AOX1: variants seen among roughly 807,000 people sequenced by gnomAD.
AOX1 encodes aldehyde oxidase 1.
AOX1 carries 153 observed loss-of-function variants against 169.5 expected under a neutral mutation model. The observed-to-expected ratio is 0.90, with a 90% CI of 0.79 to 1.03. The LOEUF is 1.03. Among genes scored for constraint, AOX1 ranks in the 50% least tolerant of loss-of-function variants. The pLI, the probability that AOX1 is intolerant of heterozygous loss-of-function variation, is 0.00. For missense variants in AOX1, 1,656 were observed against 1,663.9 expected (o/e 1.00, Z 0.08); for synonymous variants, 562 against 581.9 (o/e 0.97, Z 0.49).
In AOX1 at chr2:200,613,883, G is replaced by C; in HGVS notation, c.1528G>C (p.Gly510Arg). ...EVSLLGSAPG[G>R]KVEFKRTLII... ...CTCCCTTTTGGGCTCGGCGCCAGGT[G>C]GGAAAGTGGAGTTCAAGAGGACTCT... Residue 510 changes from glycine to arginine, a missense_variant, in exon 15 of 35, where the codon GGG (glycine) becomes CGG (arginine). Coordinates refer to ENST00000374700, the MANE Select transcript of AOX1 (RefSeq NM_001159.4). The C allele has an allele frequency of 6.2e-7, 1 of 1,612,714 alleles. No homozygotes were observed. The highest frequency in any genetic ancestry group is 8.5e-7 in the Non-Finnish European group (1 of 1,179,968).
At chr2:200,594,611 C>T (rs2034241550) in intron 2 of AOX1, among the ~76,000 whole-genome samples, 1 of 152,128 alleles carries the variant, frequency 6.6e-6, no homozygotes, top group Admixed American at 6.5e-5. Flanking sequence ...AAGAAGCACC[C>T]CTCTCCTTTT....
At chr2:200,616,132 C>A (rs2105715748) in intron 16 of AOX1, 69 bp downstream of exon 16, 1 of 1,127,120 alleles carries the variant, frequency 8.9e-7, no homozygotes, top group Non-Finnish European at 1.3e-6. Context: ...GACATTCCCA[C>A]TGTCTCTCCG....
In AOX1 at chr2:200,668,617, T is replaced by G. The variant is rs2035969424; in HGVS notation, c.3612T>G (p.Ile1204Met). The change falls in exon 33 of 35, where the codon ATT becomes ATG. Residue 1204 changes from isoleucine to methionine, a missense_variant and splice_region_variant. By Grantham distance (10) the Ile-to-Met change is conservative. Transcript: ENST00000374700. ...SINPAIDIGQ[I>M]EGAFIQGMGL... ...TTCTTTTTTTGTTCTTGCCTCAGAT[T>G]GAAGGTGCATTTATTCAAGGCATGG... 3 of 1,601,186 alleles carry G rather than the reference T, an allele frequency of 1.9e-6. No homozygotes were observed. The highest frequency in any genetic ancestry group is 1.1e-5 in the South Asian group (1 of 88,112).
intron 1 of AOX1, among the ~76,000 whole-genome samples, chr2:200,592,900 A>G (rs1305878592): frequency 6.6e-6 from 1 of 152,206 alleles, no homozygotes; most frequent in Admixed American, 6.5e-5. Context: ...GTTAGCAGAA[A>G]CAACAATTGC....
At chr2:200,670,159 T>C (rs753177484) in intron 34 of AOX1, among the ~76,000 whole-genome samples, 1 of 152,030 alleles carries the variant, frequency 6.6e-6, no homozygotes, top group Non-Finnish European at 1.5e-5. Context: ...GAAAGTATGC[T>C]AGCAGGAACC....
chr2:200,590,035 C>T lies in AOX1; in HGVS notation c.46-3111C>T, dbSNP rs146136348. On this transcript the variant is annotated intron_variant, in intron 1 of 34. Coordinates refer to ENST00000374700, the MANE Select transcript of AOX1 (RefSeq NM_001159.4). Reference sequence around the variant, plus strand: ...TGAGGCTTCTTTCTCTCCTCTGAGGCTGCTGTAGATTATTGTTCTCTACTA... The same window carrying T: ...TGAGGCTTCTTTCTCTCCTCTGAGGTTGCTGTAGATTATTGTTCTCTACTA... Among the ~76,000 whole-genome samples, 1,475 of 152,254 alleles carry T rather than the reference C, an allele frequency of 9.7e-3. 31 individuals are homozygous for T. Among genetic ancestry groups the T allele is most frequent in the African/African-American group, 0.033 (1,369 of 41,526 alleles).
rs2034480201 is a variant in AOX1 at position 200,604,750 on chromosome 2, A to T, written c.724A>T (p.Met242Leu). Residue 242 changes from methionine to leucine, a missense_variant, in exon 9 of 35, where the codon ATG (methionine) becomes TTG (leucine). Coordinates refer to ENST00000374700, the MANE Select transcript of AOX1 (RefSeq NM_001159.4). ...RTRVFGSERM[M>L]WFSPVTLKEL... ...CAGGGTGTTTGGCAGTGAGAGAATG[A>T]TGTGGTTTTCCCCCGTGACCCTGAA... is the stretch of plus-strand genomic sequence containing the variant. The T allele has an allele frequency of 6.2e-7, 1 of 1,614,082 alleles. No homozygotes were observed. The highest frequency in any genetic ancestry group is 8.5e-7 in the Non-Finnish European group (1 of 1,179,988).
Position 200,597,392 on chromosome 2 carries a change from TG to T in AOX1, c.201-4del. ...TAATTTGTGCTTTTCTTTTGCATTC[TG>T]AAGGCATCACCCAGCCAATGCCTGT... On this transcript the variant is annotated splice_polypyrimidine_tract_variant and splice_region_variant and intron_variant, in intron 3 of 34. Transcript: ENST00000374700. 1 of 1,597,808 alleles carries T rather than the reference TG, an allele frequency of 6.3e-7. No homozygotes were observed. Among genetic ancestry groups the T allele is most frequent in the African/African-American group, 1.3e-5 (1 of 74,716 alleles).
At chr2:200,608,659 A>G (rs929056180) in intron 10 of AOX1, among the ~76,000 whole-genome samples, 1 of 152,170 alleles carries the variant, frequency 6.6e-6, no homozygotes, top group African/African-American at 2.4e-5. Flanking sequence ...TACTCAATAG[A>G]GTGAGTGTTC....
rs1201350188 is a variant in AOX1, at chr2:200,613,820, A to T, written c.1465A>T (p.Met489Leu). ...KLIGRHWNEQ[M>L]LDIACRLILN... ...ACTTTCCAGGCACTGGAACGAACAG[A>T]TGCTGGATATAGCCTGCAGGCTTAT... The change falls in exon 15 of 35, where the codon ATG becomes TTG. Residue 489 changes from methionine to leucine, a missense_variant. By Grantham distance (15) the Met-to-Leu change is conservative. Coordinates refer to ENST00000374700, the MANE Select transcript of AOX1 (RefSeq NM_001159.4). 4 of 1,612,294 alleles carry T rather than the reference A, an allele frequency of 2.5e-6. No individual in the cohort carries two copies. In the South Asian group the frequency reaches 4.4e-5, roughly 18 times the overall value.
Position 200,607,303 on chromosome 2 carries a change from G to A in AOX1, c.907+1675G>A, listed in dbSNP as rs187133338. 7.4e-4 allele frequency among the ~76,000 whole-genome samples: 113 copies of A among 152,218 alleles called. No homozygotes were observed. In the Middle Eastern group the frequency reaches 0.01, roughly 14 times the overall value. ...TTACATTTATTGATTTGCATATATT[G>A]AACCAGCCTTGCATCCCTGGGATGA... On this transcript the variant is annotated intron_variant, in intron 10 of 34. Coordinates refer to ENST00000374700, the MANE Select transcript of AOX1 (RefSeq NM_001159.4).
rs768181126 is a variant in AOX1 at position 200,651,159 on chromosome 2, C to A, written c.3033C>A (p.Pro1011=). Reference sequence around the variant, plus strand: ...AGAAGAAAGGACTGGCCATGGTCCCCCTGAAGTTTCCTGTTGGCCTTGGCT... The same window carrying A: ...AGAAGAAAGGACTGGCCATGGTCCCACTGAAGTTTCCTGTTGGCCTTGGCT... ...YWKKKGLAMV[P]LKFPVGLGSR... The change falls in exon 26 of 35, where the codon CCC becomes CCA. Residue 1011 remains proline, a synonymous_variant. Coordinates refer to ENST00000374700, the MANE Select transcript of AOX1 (RefSeq NM_001159.4). 1.9e-6 allele frequency: 3 copies of A among 1,614,028 alleles called. No homozygotes were observed. The African/African-American group carries it at 4.0e-5, about 22-fold the overall frequency.
At chr2:200,656,520 T>C (rs1207212748) in intron 26 of AOX1, among the ~76,000 whole-genome samples, 1 of 152,178 alleles carries the variant, frequency 6.6e-6, no homozygotes, top group Non-Finnish European at 1.5e-5. Context: ...ACAATTTTAG[T>C]GTCTATCTAT....
chr2:200,625,864 T>C (rs1200759849), intron 19 of AOX1, among the ~76,000 whole-genome samples: 1 of 152,154 alleles, frequency 6.6e-6, no homozygotes, highest in Admixed American at 6.5e-5. Flanking sequence ...CAAAAACAAA[T>C]ATATCTCTGT....
chr2:200,626,057 T>A (rs1198274233), intron 19 of AOX1, among the ~76,000 whole-genome samples: 1 of 152,224 alleles, frequency 6.6e-6, no homozygotes, highest in East Asian at 1.9e-4. Context: ...AGCTAGGACC[T>A]ATACAGAGCT....
At position 200,617,235 on chromosome 2, in the gene AOX1, T is replaced by A. The variant is rs147948429; in HGVS notation, c.1704+1172T>A. On this transcript the variant is annotated intron_variant, in intron 16 of 34. Coordinates refer to ENST00000374700, the MANE Select transcript of AOX1 (RefSeq NM_001159.4). ...GCCACATAGATGAGTTTTGTTTTTG[T>A]TTTGCCCGTGGTTTTTCACACACAC... Among the ~76,000 whole-genome samples, 1,016 of 152,294 alleles carry A rather than the reference T, an allele frequency of 6.7e-3. 7 individuals carry two copies. The highest frequency in any genetic ancestry group is 0.01 in the Non-Finnish European group (693 of 68,014).
Position 200,637,187 on chromosome 2 carries a change from C to G in AOX1, c.2480+143C>G, listed in dbSNP as rs2035252712. Reference sequence around the variant, plus strand: ...ACACAAACAAGCTGCCAGCTTATTACACTTACTTGTCTTATATTGTCCTAT... The same window carrying G: ...ACACAAACAAGCTGCCAGCTTATTAGACTTACTTGTCTTATATTGTCCTAT... On this transcript the variant is annotated intron_variant, in intron 22 of 34. Coordinates refer to ENST00000374700, the MANE Select transcript of AOX1 (RefSeq NM_001159.4). 3.9e-6 allele frequency: 4 copies of G among 1,022,876 alleles called. No homozygotes were observed. The Admixed American group carries it at 1.1e-4, about 28-fold the overall frequency. 63.4% of individuals were successfully genotyped at this position (1,022,876 alleles called of 1,614,324 possible).
At chr2:200,608,267 ACT>A (rs1559235848) in intron 10 of AOX1, among the ~76,000 whole-genome samples, 1 of 152,238 alleles carries the variant, frequency 6.6e-6, no homozygotes, top group African/African-American at 2.4e-5. Flanking sequence ...TTACTGAAGA[ACT>A]TCTTCTGTCT....
At chr2:200,602,730 A>G (rs1453876867) in intron 6 of AOX1, among the ~76,000 whole-genome samples, 2 of 152,070 alleles carry the variant, frequency 1.3e-5, no homozygotes, top group South Asian at 2.1e-4. Context: ...TTGCTATCCC[A>G]TGTCTTCACC....
Sources: gnomAD v4.1 joint callset for allele counts (sites outside exome capture counted in the v4.1 genomes callset) on GRCh38, gnomAD v4.1.1 for gene constraint, MANE v1.5 for transcripts, NCBI Gene and HGNC (gene_info 2026-07-23, HGNC 2026-07-21) for gene names.